The following XRCC4 variants were observed in gnomAD, a reference collection of about 807,000 sequenced individuals.
The protein encoded by XRCC4 is DNA repair protein XRCC4.
A neutral mutation model predicts 39.1 loss-of-function variants in XRCC4; 28 were observed. The ratio of observed to expected loss-of-function variants is 0.72; its 90% confidence interval spans 0.53 to 0.98. XRCC4 has a LOEUF of 0.98. XRCC4 is among the 50% of genes least tolerant of loss of function. The pLI, the probability that XRCC4 is intolerant of heterozygous loss-of-function variation, is 0.00. For synonymous variants in XRCC4, 123 were observed against 126.4 expected, an observed-to-expected ratio of 0.97 and a Z score of 0.18; for missense variants, 350 against 376.4, an observed-to-expected ratio of 0.93 and a Z score of 0.58.
At chr5:83,350,278 C>T (rs2112231188) in intron 7 of XRCC4, among the ~76,000 whole-genome samples, 1 of 152,234 alleles carries the variant, frequency 6.6e-6, no homozygotes, top group South Asian at 2.1e-4. Flanking sequence ...GAGGTATATG[C>T]CCAGTAACGG....
In XRCC4 at chr5:83,152,857, A is replaced by G. The variant is rs576528995; in HGVS notation, c.315+41654A>G. Among the ~76,000 whole-genome samples, 28 of 152,302 alleles carry G rather than the reference A, an allele frequency of 1.8e-4. 1 individual carries two copies. The South Asian group carries it at 3.9e-3, about 21-fold the overall frequency. ...CAGTCGATCTACAGTACAATATCACAACCAGAAAACTGACATTGATAAAGC... is the reference window on the plus strand; with the variant it reads ...CAGTCGATCTACAGTACAATATCACGACCAGAAAACTGACATTGATAAAGC... On this transcript the variant is annotated intron_variant, in intron 3 of 7. Coordinates refer to ENST00000396027, the MANE Select transcript of XRCC4 (RefSeq NM_003401.5).
At chr5:83,250,961 C>T (rs1753285597) in intron 6 of XRCC4, among the ~76,000 whole-genome samples, 1 of 152,136 alleles carries the variant, frequency 6.6e-6, no homozygotes, top group African/African-American at 2.4e-5. Flanking sequence ...TTTTTAATTG[C>T]TTGTGTGGCT....
intron 7 of XRCC4, among the ~76,000 whole-genome samples, chr5:83,303,102 A>G (rs562497184): frequency 6.6e-6 from 1 of 151,832 alleles, no homozygotes; most frequent in African/African-American, 2.4e-5. Context: ...AGTCCCAGCT[A>G]CTTGGGAGGC....
intron 7 of XRCC4, among the ~76,000 whole-genome samples, chr5:83,292,475 T>G (rs552185166): frequency 6.6e-6 from 1 of 152,008 alleles, no homozygotes; most frequent in Non-Finnish European, 1.5e-5. Context: ...AAATCTAATT[T>G]AAAACAAATC....
intron 3 of XRCC4, among the ~76,000 whole-genome samples, chr5:83,140,694 C>T (rs1748128584): frequency 6.6e-6 from 1 of 152,140 alleles, no homozygotes; most frequent in Non-Finnish European, 1.5e-5. Context: ...TTGATATAGT[C>T]CTTTTTGTCT....
intron 7 of XRCC4, among the ~76,000 whole-genome samples, chr5:83,332,224 TCTACACAC>T (rs1244298563): frequency 1.0e-5 from 1 of 100,020 alleles, no homozygotes; most frequent in African/African-American, 4.4e-5. Context: ...ATTTCAATCT[TCTACACAC>T]ACACACACAC....
At chr5:83,148,293 T>TA (rs2112543813) in intron 3 of XRCC4, among the ~76,000 whole-genome samples, 1 of 152,326 alleles carries the variant, frequency 6.6e-6, no homozygotes, top group South Asian at 2.1e-4. Context: ...GGTTATTGTA[T>TA]TCATCTTAAT....
intron 3 of XRCC4, among the ~76,000 whole-genome samples, chr5:83,125,819 C>G (rs1747231558): frequency 6.6e-6 from 1 of 151,992 alleles, no homozygotes; most frequent in Non-Finnish European, 1.5e-5. Flanking sequence ...TCTGTCTCTA[C>G]TAAATACTAA....
At chr5:83,124,612 G>A (rs574316078) in intron 3 of XRCC4, among the ~76,000 whole-genome samples, 23 of 152,176 alleles carry the variant, frequency 1.5e-4, no homozygotes, top group African/African-American at 5.5e-4. Flanking sequence ...TTCCATGTGA[G>A]CATAAATTTT....
At chr5:83,130,002 G>A (rs1747484661) in intron 3 of XRCC4, among the ~76,000 whole-genome samples, 1 of 152,058 alleles carries the variant, frequency 6.6e-6, no homozygotes, top group Non-Finnish European at 1.5e-5. Flanking sequence ...ATCCAACACT[G>A]TGTTGAATAG....
At chr5:83,322,203 G>A (rs1756098622) in intron 7 of XRCC4, among the ~76,000 whole-genome samples, 1 of 151,366 alleles carries the variant, frequency 6.6e-6, no homozygotes, top group South Asian at 2.1e-4. Context: ...CATTTAATAG[G>A]AACCTAATTA....
chr5:83,142,627 G>A (rs577843881), intron 3 of XRCC4, among the ~76,000 whole-genome samples: 18 of 152,258 alleles, frequency 1.2e-4, no homozygotes, highest in Admixed American at 1.0e-3. Flanking sequence ...ATGGAATTAA[G>A]TTTGGTTAAG....
chr5:83,211,040 G>A (rs1751624452), intron 6 of XRCC4, among the ~76,000 whole-genome samples: 3 of 152,050 alleles, frequency 2.0e-5, no homozygotes, highest in Admixed American at 2.0e-4. Context: ...GAGAAAACAG[G>A]CAAATCCTTT....
chr5:83,336,725 C>T (rs1266773399), intron 7 of XRCC4, among the ~76,000 whole-genome samples: 2 of 152,052 alleles, frequency 1.3e-5, no homozygotes, highest in African/African-American at 4.8e-5. Context: ...TGTGAGTGTA[C>T]GTGTGCTTAG....
chr5:83,127,211 T>C (rs1489720905), intron 3 of XRCC4, among the ~76,000 whole-genome samples: 9 of 152,118 alleles, frequency 5.9e-5, no homozygotes, highest in Non-Finnish European at 1.3e-4. Flanking sequence ...TGGAATACTA[T>C]GGTCTGAATA....
chr5:83,223,858 T>G (rs1190651691), intron 6 of XRCC4, among the ~76,000 whole-genome samples: 1 of 113,400 alleles, frequency 8.8e-6, no homozygotes, highest in Non-Finnish European at 1.7e-5. Flanking sequence ...CAGGCCCCAG[T>G]GTGTGATGTT....
At chr5:83,127,372 C>A (rs1198407074) in intron 3 of XRCC4, among the ~76,000 whole-genome samples, 1 of 152,010 alleles carries the variant, frequency 6.6e-6, no homozygotes, top group African/African-American at 2.4e-5. Context: ...GGGGCAGTTT[C>A]CCACATACTG....
chr5:83,251,216 A>G lies in XRCC4; in HGVS notation c.746-7314A>G, dbSNP rs142800242. 2.2e-3 allele frequency among the ~76,000 whole-genome samples: 339 copies of G among 152,292 alleles called. 1 individual carries two copies. Among genetic ancestry groups the G allele is most frequent in the African/African-American group, 7.7e-3 (320 of 41,562 alleles). On this transcript the variant is annotated intron_variant, in intron 6 of 7. Coordinates refer to ENST00000396027, the MANE Select transcript of XRCC4 (RefSeq NM_003401.5). ...GAAGAACTGAATTCCTTTGGTAGTA[A>G]AGTTTTAAGAAACAATTTTAACAAA...
intron 6 of XRCC4, among the ~76,000 whole-genome samples, chr5:83,205,126 G>A (rs1256287877): frequency 6.6e-6 from 1 of 152,092 alleles, no homozygotes; most frequent in Non-Finnish European, 1.5e-5. Flanking sequence ...ACAGCAGTGT[G>A]AGCAAGCATT....
Sources: allele counts gnomAD v4.1 joint callset (sites outside exome capture counted in the v4.1 genomes callset), GRCh38; gene constraint gnomAD v4.1.1; transcripts MANE v1.5; gene names NCBI Gene and HGNC (gene_info 2026-07-23, HGNC 2026-07-21).